FMN1: variants seen among roughly 807,000 people sequenced by gnomAD.
The protein encoded by FMN1 is formin-1.
In FMN1, 110 loss-of-function variants were observed where a neutral mutation model predicts 132.4. The observed-to-expected ratio is 0.83, with a 90% CI of 0.71 to 0.97. The LOEUF (loss-of-function observed/expected upper bound fraction) is 0.97. Ranked by LOEUF, FMN1 falls within the 50% of genes least tolerant of loss-of-function variation. FMN1 has a pLI of 0.00. For synonymous variants in FMN1, 722 were observed against 651.7 expected (o/e 1.11, Z -1.64); for missense variants, 1,792 against 1,705.3 (o/e 1.05, Z -0.90).
intron 17 of FMN1, among the ~76,000 whole-genome samples, chr15:32,818,372 C>T: frequency 6.6e-6 from 1 of 152,058 alleles, no homozygotes; most frequent in Non-Finnish European, 1.5e-5. Flanking sequence ...TTTCTAGAAA[C>T]TCATGAAAGC....
In FMN1 at chr15:32,975,542, C is replaced by T. The variant is rs2032133470; in HGVS notation, c.2224-6065G>A. ...GTTAGACATTACTTACAGACTAATA[C>T]TGAAACTAGAGCAGACATACTAAAC... is the stretch of plus-strand genomic sequence containing the variant. On this transcript the variant is annotated intron_variant, in intron 7 of 20. Coordinates refer to ENST00000616417, the MANE Select transcript of FMN1 (RefSeq NM_001277313.2). Among the ~76,000 whole-genome samples the T allele has an allele frequency of 3.3e-5, 5 of 152,276 alleles. No homozygotes were observed. The South Asian group carries it at 1.0e-3, about 32-fold the overall frequency.
At chr15:33,112,781 T>C (rs145954994) in intron 4 of FMN1, among the ~76,000 whole-genome samples, 2 of 152,244 alleles carry the variant, frequency 1.3e-5, no homozygotes, top group African/African-American at 4.8e-5. Context: ...ATGGGAAATG[T>C]GGGTTGCTAG....
intron 9 of FMN1, among the ~76,000 whole-genome samples, chr15:32,940,332 C>G (rs2061372605): frequency 6.6e-6 from 1 of 151,908 alleles, no homozygotes; most frequent in South Asian, 2.1e-4. Flanking sequence ...GGCAGACAGT[C>G]CAATTCAACG....
intron 16 of FMN1, among the ~76,000 whole-genome samples, chr15:32,862,683 A>G (rs945153304): frequency 2.0e-5 from 3 of 152,270 alleles, no homozygotes; most frequent in African/African-American, 7.2e-5. Flanking sequence ...AGACCCAGAT[A>G]TAATTCATCA....
At chr15:33,142,854 G>A (rs1159773906) in intron 4 of FMN1, among the ~76,000 whole-genome samples, 1 of 152,158 alleles carries the variant, frequency 6.6e-6, no homozygotes, top group Non-Finnish European at 1.5e-5. Flanking sequence ...GTTCACCAAT[G>A]TGTTGGGCTA....
intron 17 of FMN1, among the ~76,000 whole-genome samples, chr15:32,822,565 A>G (rs2141111800): frequency 6.6e-6 from 1 of 152,124 alleles, no homozygotes; most frequent in East Asian, 1.9e-4. Flanking sequence ...CTTGTCTCTC[A>G]GCATTTTTCT....
At chr15:33,150,121 T>C (rs899468443) in intron 4 of FMN1, 15 of 985,402 alleles carry the variant, frequency 1.5e-5, no homozygotes, top group Non-Finnish European at 1.7e-5. Flanking sequence ...TACTAAAGAT[T>C]GGGCATTTCC....
chr15:33,067,129 A>G (rs1160685751), intron 5 of FMN1: 5 of 1,613,912 alleles, frequency 3.1e-6, no homozygotes, highest in Non-Finnish European at 4.2e-6. Flanking sequence ...TGATACCAAC[A>G]CTCGAATTCT....
intron 7 of FMN1, 148 bp from the exon 8 acceptor site, chr15:32,969,625 TA>T (rs1306723778): frequency 1.6e-5 from 16 of 1,007,218 alleles, no homozygotes; most frequent in Non-Finnish European, 1.4e-6. Context: ...TAAGAATCCA[TA>T]AAGGTGTAAA....
intron 10 of FMN1, among the ~76,000 whole-genome samples, chr15:32,914,616 A>T (rs13379651): frequency 6.6e-6 from 1 of 151,986 alleles, no homozygotes; most frequent in Non-Finnish European, 1.5e-5. Context: ...TACACACACA[A>T]AAAGTCAAAA....
chr15:32,988,407 A>G (rs2033219030), intron 7 of FMN1, among the ~76,000 whole-genome samples: 1 of 152,156 alleles, frequency 6.6e-6, no homozygotes, highest in African/African-American at 2.4e-5. Context: ...TCGTAACAGA[A>G]GCGTGTTTGA....
rs1237043237 is a variant in FMN1 at position 33,077,354 on chromosome 15, AAT to A, written c.2043+11443_2043+11444del. 7.7e-3 allele frequency among the ~76,000 whole-genome samples: 722 copies of A among 93,626 alleles called. 4 individuals carry two copies. Among genetic ancestry groups the A allele is most frequent in the South Asian group, 0.039 (91 of 2,314 alleles). The allele number at this position is 93,626 out of a possible 152,430, so 61.4% of individuals were successfully genotyped here. On this transcript the variant is annotated intron_variant, in intron 5 of 20. Coordinates refer to ENST00000616417, the MANE Select transcript of FMN1 (RefSeq NM_001277313.2). ...CCGGCCCATCCTTTTTTTTTTTTTT[AAT>A]ATATATATATATATTTTTTTTATTA...
intron 6 of FMN1, among the ~76,000 whole-genome samples, chr15:33,048,644 A>AAAACAAAAAAAAAACAAAAACAAAAAC (rs1555388956): frequency 8.1e-5 from 7 of 86,926 alleles, no homozygotes; most frequent in Admixed American, 4.8e-4. Context: ...AAAAAAAAAA[A>AAAACAAAAAAAAAACAAAAACAAAAAC]AAAAACCAAC....
chr15:32,843,759 A>G (rs2058796950), intron 17 of FMN1, among the ~76,000 whole-genome samples: 1 of 152,198 alleles, frequency 6.6e-6, no homozygotes, highest in African/African-American at 2.4e-5. Flanking sequence ...GAAGTAGTAA[A>G]TAGCAAAGGT....
chr15:33,191,172 A>G (rs933526095), intron 2 of FMN1, among the ~76,000 whole-genome samples: 5 of 151,394 alleles, frequency 3.3e-5, no homozygotes, highest in Non-Finnish European at 7.4e-5. Context: ...TCCATCTCAA[A>G]AAAAAAAAAA....
intron 4 of FMN1, among the ~76,000 whole-genome samples, chr15:33,122,396 T>A (rs1179114830): frequency 6.6e-6 from 1 of 152,152 alleles, no homozygotes; most frequent in Non-Finnish European, 1.5e-5. Context: ...AGTACATGCC[T>A]GGTGGGAAAG....
chr15:33,176,112 T>A (rs905648444), intron 3 of FMN1, among the ~76,000 whole-genome samples: 6 of 152,164 alleles, frequency 3.9e-5, no homozygotes, highest in African/African-American at 7.2e-5. Context: ...CAGTGTCTCA[T>A]GCCTATAATC....
chr15:33,069,949 A>G (rs2037919631), intron 5 of FMN1, among the ~76,000 whole-genome samples: 1 of 148,032 alleles, frequency 6.8e-6, no homozygotes, highest in Non-Finnish European at 1.5e-5. Context: ...TCAAGATTGT[A>G]GAAAGAAGAA....
At chr15:32,895,799 G>C (rs185319321) in intron 15 of FMN1, among the ~76,000 whole-genome samples, 1 of 152,070 alleles carries the variant, frequency 6.6e-6, no homozygotes, top group African/African-American at 2.4e-5. Flanking sequence ...CATTTTACCA[G>C]TACATTATTT....
Sources: gnomAD v4.1 joint callset for allele counts (sites outside exome capture counted in the v4.1 genomes callset) on GRCh38, gnomAD v4.1.1 for gene constraint, MANE v1.5 for transcripts, NCBI Gene and HGNC (gene_info 2026-07-23, HGNC 2026-07-21) for gene names.